Variants in PUM2 observed in about 807,000 individuals in gnomAD.
PUM2 encodes the protein pumilio RNA binding family member 2.
Under a neutral mutation model 124.5 loss-of-function variants are expected in PUM2, and 57 were observed. The ratio of observed to expected loss-of-function variants is 0.46; its 90% CI spans 0.37 to 0.57. The LOEUF (loss-of-function observed/expected upper bound fraction) is 0.57. Ranked by LOEUF, PUM2 falls within the 20% of genes least tolerant of loss-of-function variation. The pLI is 0.00. For synonymous variants in PUM2, 460 were observed against 446.1 expected (o/e 1.03, Z -0.39); for missense variants, 1,065 against 1,290.6 (o/e 0.83, Z 2.68).
intron 13 of PUM2, among the ~76,000 whole-genome samples, chr2:20,267,141 G>A (rs1333257180): frequency 1.3e-5 from 2 of 151,738 alleles, no homozygotes; most frequent in Non-Finnish European, 2.9e-5. Context: ...TCCTGCCTCA[G>A]CCTCCCGAGT....
intron 1 of PUM2, among the ~76,000 whole-genome samples, chr2:20,343,319 G>A (rs1403254547): frequency 1.3e-5 from 2 of 152,052 alleles, no homozygotes; most frequent in Non-Finnish European, 2.9e-5. Context: ...ACTAGAGCGA[G>A]GGAGGTGAAG....
chr2:20,325,343 T>C (rs1029309595), intron 2 of PUM2, among the ~76,000 whole-genome samples: 3 of 152,202 alleles, frequency 2.0e-5, no homozygotes, highest in African/African-American at 4.8e-5. Context: ...CGTGGTCACT[T>C]TTACTCTCCA....
intron 13 of PUM2, among the ~76,000 whole-genome samples, chr2:20,276,263 T>TC (rs1447583151): frequency 6.6e-6 from 1 of 151,590 alleles, no homozygotes; most frequent in East Asian, 1.9e-4. Context: ...GAAAACTTTT[T>TC]TTTTTTTTTT....
chr2:20,288,027 T>G (rs1673123362), intron 10 of PUM2, among the ~76,000 whole-genome samples: 1 of 152,184 alleles, frequency 6.6e-6, no homozygotes, highest in Non-Finnish European at 1.5e-5. Flanking sequence ...ACAGGGATAA[T>G]AGTTGAAAGG....
At chr2:20,303,680 C>T (rs996234208) in intron 7 of PUM2, among the ~76,000 whole-genome samples, 1 of 152,156 alleles carries the variant, frequency 6.6e-6, no homozygotes, top group Non-Finnish European at 1.5e-5. Context: ...CTTTACATTT[C>T]CCATGTCTTG....
intron 19 of PUM2, 56 bp downstream of exon 19, chr2:20,254,807 A>G (rs1664370230): frequency 6.4e-7 from 1 of 1,556,086 alleles, no homozygotes. Flanking sequence ...GTGATAACTA[A>G]TAAAAGTCAA....
chr2:20,256,502 C>T (rs948801807), intron 16 of PUM2, among the ~76,000 whole-genome samples: 1 of 152,210 alleles, frequency 6.6e-6, no homozygotes, highest in Non-Finnish European at 1.5e-5. Flanking sequence ...CTGTGTAAAT[C>T]ATCCGCTAAT....
rs566065610 is a variant in PUM2, at chr2:20,263,133, C to CTT, written c.2225+58_2225+59dup. The CTT allele has an allele frequency of 2.6e-4, 380 of 1,479,176 alleles. 3 individuals carry two copies. Among genetic ancestry groups the CTT allele is most frequent in the South Asian group, 2.1e-3 (171 of 80,240 alleles). 91.6% of individuals were successfully genotyped at this position (1,479,176 alleles called of 1,614,324 possible). On this transcript the variant is annotated intron_variant, in intron 14 of 20. Coordinates refer to ENST00000361078, the MANE Select transcript of PUM2 (RefSeq NM_015317.5). ...AGACTAAAGTCCAGAAAAATTTAAG[C>CTT]TTTTATAAGGCAGCAATTTTCAAAG...
chr2:20,311,129 GTGC>G (rs1679496946), intron 5 of PUM2, among the ~76,000 whole-genome samples: 1 of 151,770 alleles, frequency 6.6e-6, no homozygotes, highest in African/African-American at 2.4e-5. Flanking sequence ...CCACTGAAAG[GTGC>G]TCAAAAGCAC....
intron 18 of PUM2, 31 bp from the exon 19 acceptor site, chr2:20,255,015 T>G: frequency 6.3e-7 from 1 of 1,591,072 alleles, no homozygotes; most frequent in Non-Finnish European, 8.6e-7. Flanking sequence ...TTACTTTCCC[T>G]AAGTCATTCC....
At chr2:20,291,217 A>G (rs1673990404) in intron 9 of PUM2, among the ~76,000 whole-genome samples, 1 of 152,252 alleles carries the variant, frequency 6.6e-6, no homozygotes, top group African/African-American at 2.4e-5. Context: ...AGATTCCCTC[A>G]GTCCTGCCAC....
chr2:20,318,718 T>C, intron 2 of PUM2, 73 bp from the exon 3 acceptor site: 1 of 1,025,758 alleles, frequency 9.7e-7, no homozygotes, highest in Non-Finnish European at 1.5e-6. Context: ...GTCTCAAACA[T>C]ATCACTGCTA....
At position 20,262,365 on chromosome 2, in the gene PUM2, G is replaced by A. The variant is rs574331167; in HGVS notation, c.2225+828C>T. Among the ~76,000 whole-genome samples the A allele has an allele frequency of 3.3e-5, 5 of 152,212 alleles. No homozygotes were observed. The East Asian group carries it at 9.6e-4, about 29-fold the overall frequency. Reference sequence around the variant, plus strand: ...CTGTATCTTTTCTATTGTTTATTATGCGTAGGTATACAAATACCATTGTTA... The same window carrying A: ...CTGTATCTTTTCTATTGTTTATTATACGTAGGTATACAAATACCATTGTTA... On this transcript the variant is annotated intron_variant, in intron 14 of 20. Coordinates refer to ENST00000361078, the MANE Select transcript of PUM2 (RefSeq NM_015317.5).
At chr2:20,311,998 T>G (rs534489006) in intron 4 of PUM2, among the ~76,000 whole-genome samples, 1 of 152,266 alleles carries the variant, frequency 6.6e-6, no homozygotes, top group South Asian at 2.1e-4. Flanking sequence ...TTTTACAGAT[T>G]ATGTTTAAAA....
chr2:20,314,421 AAAAGT>A (rs1289306132), intron 3 of PUM2, among the ~76,000 whole-genome samples: 2 of 152,222 alleles, frequency 1.3e-5, no homozygotes, highest in African/African-American at 4.8e-5. Context: ...TTTTGCAATG[AAAAGT>A]AAAGGTAGTA....
intron 10 of PUM2, among the ~76,000 whole-genome samples, chr2:20,285,966 C>T (rs1214001688): frequency 1.3e-5 from 2 of 152,028 alleles, no homozygotes; most frequent in Non-Finnish European, 2.9e-5. Flanking sequence ...AAGCAGATAT[C>T]TGTAGGAAGG....
chr2:20,349,583 G>C (rs1189406951), intron 1 of PUM2, among the ~76,000 whole-genome samples: 1 of 151,772 alleles, frequency 6.6e-6, no homozygotes, highest in African/African-American at 2.4e-5. Context: ...ACATGGTGAA[G>C]AGTCACCTGT....
rs55986830 is a variant in PUM2 at position 20,332,282 on chromosome 2, AGTGTGTGTGT to A, written c.-18-4914_-18-4905del. On this transcript the variant is annotated intron_variant, in intron 1 of 20. Coordinates refer to ENST00000361078, the MANE Select transcript of PUM2 (RefSeq NM_015317.5). ...TCAACTTTTTCACTTATACTACTAG[AGTGTGTGTGT>A]GTGTGTGTGTGTGTGTGTGTGTGTG... Among the ~76,000 whole-genome samples the A allele has an allele frequency of 1.4e-3, 198 of 145,448 alleles. 1 individual carries two copies. Among genetic ancestry groups the A allele is most frequent in the South Asian group, 6.4e-3 (29 of 4,536 alleles).
intron 8 of PUM2, among the ~76,000 whole-genome samples, chr2:20,297,214 T>A (rs1188551068): frequency 6.6e-6 from 1 of 152,242 alleles, no homozygotes; most frequent in East Asian, 1.9e-4. Context: ...TACCTCTATT[T>A]TATTTTCTGA....
Sources: allele counts gnomAD v4.1 joint callset (sites outside exome capture counted in the v4.1 genomes callset), GRCh38; gene constraint gnomAD v4.1.1; transcripts MANE v1.5; gene names NCBI Gene and HGNC (gene_info 2026-07-23, HGNC 2026-07-21).